Variants in NUSAP1 observed in about 807,000 individuals in gnomAD.
The protein encoded by NUSAP1 is nucleolar and spindle associated protein 1.
NUSAP1 carries 32 observed loss-of-function variants against 52.8 expected under a neutral mutation model. The ratio of observed to expected loss-of-function variants is 0.61; its 90% confidence interval spans 0.46 to 0.81. The LOEUF is 0.81. NUSAP1 is among the 40% of genes least tolerant of loss of function. The probability of loss-of-function intolerance (pLI) is 0.00; values close to 1 mark genes in which losing one functional copy is unlikely to be tolerated. For missense variants in NUSAP1, 499 were observed against 522.3 expected (o/e 0.96, Z 0.43); for synonymous variants, 195 against 183.1 (o/e 1.06, Z -0.52).
rs186624973 is a variant in NUSAP1, at chr15:41,370,105, G to C, written c.849-1422G>C. ...GAAAGAAAGAAAGACAAATCAGCCA[G>C]GCGCGGTGGCTCACGCCTGTAATCC... On this transcript the variant is annotated intron_variant, in intron 7 of 10. Transcript: ENST00000559596. 1.9e-4 allele frequency among the ~76,000 whole-genome samples: 29 copies of C among 152,008 alleles called. No homozygotes were observed. The East Asian group carries it at 4.5e-3, about 23-fold the overall frequency.
At chr15:41,378,032 A>T (rs1166343110) in intron 10 of NUSAP1, among the ~76,000 whole-genome samples, 1 of 152,056 alleles carries the variant, frequency 6.6e-6, no homozygotes, top group Non-Finnish European at 1.5e-5. Flanking sequence ...CTTTCTGAGT[A>T]CATCTGCCTA....
chr15:41,362,400 G>T, intron 6 of NUSAP1, among the ~76,000 whole-genome samples: 1 of 147,734 alleles, frequency 6.8e-6, no homozygotes, highest in African/African-American at 2.5e-5. Context: ...TCTGTTTTAA[G>T]TACTTTTCTA....
chr15:41,368,446 ACT>A, intron 7 of NUSAP1, among the ~76,000 whole-genome samples: 1 of 152,182 alleles, frequency 6.6e-6, no homozygotes, highest in Non-Finnish European at 1.5e-5. Flanking sequence ...TGAAAAATTA[ACT>A]CTTCCTCAAA....
chr15:41,338,045 G>A (rs1434185385), intron 1 of NUSAP1, among the ~76,000 whole-genome samples: 1 of 146,266 alleles, frequency 6.8e-6, no homozygotes, highest in African/African-American at 2.6e-5. Flanking sequence ...CGATTCTCCT[G>A]CCTCAGCCAC....
intron 2 of NUSAP1, among the ~76,000 whole-genome samples, chr15:41,344,463 C>T (rs79518818): frequency 0.087 from 12,949 of 149,600 alleles, 691 homozygotes; most frequent in East Asian, 0.16. Flanking sequence ...ACGGTGAAAC[C>T]CTGTCTCTAC....
chr15:41,340,071 C>A (rs145706125), intron 1 of NUSAP1, among the ~76,000 whole-genome samples: 19 of 152,308 alleles, frequency 1.2e-4, no homozygotes, highest in Middle Eastern at 3.4e-3. Flanking sequence ...CTGTACCTGG[C>A]TGAAATTCAT....
chr15:41,375,616 CGT>C, intron 8 of NUSAP1, 94 bp from the exon 9 acceptor site: 2 of 830,992 alleles, frequency 2.4e-6, no homozygotes, highest in South Asian at 2.9e-5. Context: ...CAGCCTATAA[CGT>C]GTATTTTTAA....
At chr15:41,376,922 A>T (rs1241561132) in intron 9 of NUSAP1, among the ~76,000 whole-genome samples, 1 of 150,954 alleles carries the variant, frequency 6.6e-6, no homozygotes, top group East Asian at 2.0e-4. Flanking sequence ...TAAAAAATAC[A>T]AAAATTACCC....
intron 6 of NUSAP1, among the ~76,000 whole-genome samples, chr15:41,363,397 C>T (rs1483784625): frequency 6.6e-6 from 1 of 150,436 alleles, no homozygotes; most frequent in Admixed American, 6.7e-5. Flanking sequence ...TTTTTTTAGA[C>T]AGAGTCTCAC....
At chr15:41,334,179 C>T (rs1407270613) in intron 1 of NUSAP1, among the ~76,000 whole-genome samples, 3 of 152,102 alleles carry the variant, frequency 2.0e-5, no homozygotes, top group Non-Finnish European at 4.4e-5. Flanking sequence ...AGTGCAGTGG[C>T]GCCATCTCGG....
chr15:41,358,404 TC>T, intron 6 of NUSAP1, 146 bp downstream of exon 6: 1 of 552,932 alleles, frequency 1.8e-6, no homozygotes, highest in Non-Finnish European at 3.2e-6. Flanking sequence ...AAACTTGCTT[TC>T]CCCTACCCTG....
At chr15:41,347,591 G>A (rs559919035) in intron 2 of NUSAP1, among the ~76,000 whole-genome samples, 1 of 152,052 alleles carries the variant, frequency 6.6e-6, no homozygotes, top group Non-Finnish European at 1.5e-5. Context: ...TGAGGTGGGC[G>A]GATCACAAGG....
chr15:41,335,586 TATAA>T (rs1467400383), intron 1 of NUSAP1, among the ~76,000 whole-genome samples: 8 of 138,390 alleles, frequency 5.8e-5, no homozygotes, highest in South Asian at 2.3e-4. Flanking sequence ...TATATTATAC[TATAA>T]ATAAATATAA....
Position 41,335,830 on chromosome 15 carries a change from T to A in NUSAP1, c.93+2780T>A, listed in dbSNP as rs2048106254. On this transcript the variant is annotated intron_variant, in intron 1 of 10. Transcript: ENST00000559596. Reference sequence around the variant, plus strand: ...TAAATATACTAAATATACTATATTATACCAGTATAAATATAAATATACTAA... The same window carrying A: ...TAAATATACTAAATATACTATATTAAACCAGTATAAATATAAATATACTAA... 2.0e-5 allele frequency among the ~76,000 whole-genome samples: 3 copies of A among 147,378 alleles called. No individual in the cohort carries two copies. In the South Asian group the frequency reaches 6.3e-4, roughly 31 times the overall value.
intron 9 of NUSAP1, among the ~76,000 whole-genome samples, chr15:41,376,588 G>A (rs1238798700): frequency 1.3e-5 from 2 of 151,486 alleles, no homozygotes; most frequent in African/African-American, 4.9e-5. Context: ...CTACTCGGGA[G>A]GCTGAGGTGG....
chr15:41,362,030 C>G (rs920408490), intron 6 of NUSAP1, among the ~76,000 whole-genome samples: 1 of 151,996 alleles, frequency 6.6e-6, no homozygotes, highest in Non-Finnish European at 1.5e-5. Context: ...CTTGTTTGAT[C>G]TAGTTGTCAA....
intron 6 of NUSAP1, among the ~76,000 whole-genome samples, chr15:41,361,583 C>T (rs2049181550): frequency 6.6e-6 from 1 of 152,098 alleles, no homozygotes; most frequent in African/African-American, 2.4e-5. Context: ...CAAGCTGCTG[C>T]TTTCTATATT....
At chr15:41,358,582 C>A (rs1289173714) in intron 6 of NUSAP1, among the ~76,000 whole-genome samples, 1 of 152,080 alleles carries the variant, frequency 6.6e-6, no homozygotes, top group Non-Finnish European at 1.5e-5. Flanking sequence ...ACAAAAAATA[C>A]AGAAAATTAG....
chr15:41,371,809 C>G, intron 8 of NUSAP1, 125 bp downstream of exon 8: 1 of 1,123,024 alleles, frequency 8.9e-7, no homozygotes, highest in Non-Finnish European at 1.2e-6. Context: ...TCGCTTTTGT[C>G]ACCCAGGCTA....
Sources: allele counts gnomAD v4.1 joint callset (sites outside exome capture counted in the v4.1 genomes callset), GRCh38; gene constraint gnomAD v4.1.1; transcripts MANE v1.5; gene names NCBI Gene and HGNC (gene_info 2026-07-23, HGNC 2026-07-21).